ANTXR2: variants seen among roughly 807,000 people sequenced by gnomAD.
The protein encoded by ANTXR2 is ANTXR cell adhesion molecule 2, also known as anthrax toxin receptor 2.
Under a neutral mutation model 73.7 loss-of-function variants are expected in ANTXR2, and 44 were observed. That is an observed-to-expected ratio of 0.60 (90% confidence interval 0.47 to 0.77). ANTXR2 has a LOEUF of 0.77. ANTXR2 is among the 30% of genes least tolerant of loss of function. The probability of loss-of-function intolerance (pLI) is 0.00; values close to 1 mark genes in which losing one functional copy is unlikely to be tolerated. For missense variants in ANTXR2, 604 were observed against 592.5 expected (o/e 1.02, Z -0.20); for synonymous variants, 217 against 205.9 (o/e 1.05, Z -0.46).
chr4:79,901,864 T>G lies in ANTXR2; in HGVS notation c.*5565A>C, dbSNP rs957548180. On this transcript the variant is annotated 3_prime_UTR_variant, in exon 17 of 17. Transcript: ENST00000403729. ...TTTGTGCTCCTTGAGAATCTAATGC[T>G]GCTGCTGATCTCACAGGAGACACAG... is the stretch of plus-strand genomic sequence containing the variant. 5 of 152,218 alleles carry G rather than the reference T, an allele frequency of 3.3e-5. No homozygotes were observed. The highest frequency in any genetic ancestry group is 1.2e-4 in the African/African-American group (5 of 41,528). 9.4% of individuals were successfully genotyped at this position (152,218 alleles called of 1,614,324 possible).
At chr4:80,013,030 C>T (rs1234609902) in intron 11 of ANTXR2, among the ~76,000 whole-genome samples, 1 of 152,152 alleles carries the variant, frequency 6.6e-6, no homozygotes, top group Admixed American at 6.5e-5. Flanking sequence ...AATACTTGCT[C>T]AGCAAACAGG....
chr4:79,988,027 A>G (rs1730270617), intron 12 of ANTXR2, among the ~76,000 whole-genome samples: 1 of 151,928 alleles, frequency 6.6e-6, no homozygotes, highest in African/African-American at 2.4e-5. Flanking sequence ...TACATATCAC[A>G]TTGGTACTAT....
At chr4:80,026,513 G>A (rs531577149) in intron 10 of ANTXR2, among the ~76,000 whole-genome samples, 4 of 151,344 alleles carry the variant, frequency 2.6e-5, no homozygotes, top group Non-Finnish European at 5.9e-5. Flanking sequence ...TATATAAGAG[G>A]ATTTAAGTAC....
chr4:80,006,721 T>G (rs1167465046), intron 12 of ANTXR2, among the ~76,000 whole-genome samples: 3 of 152,112 alleles, frequency 2.0e-5, no homozygotes, highest in Non-Finnish European at 2.9e-5. Flanking sequence ...GCTCCTCTCC[T>G]TAATATCCAA....
chr4:79,967,348 G>A (rs1376765993), intron 16 of ANTXR2, among the ~76,000 whole-genome samples: 1 of 37,338 alleles, frequency 2.7e-5, no homozygotes, highest in African/African-American at 8.8e-5. Flanking sequence ...GGGGAGGGGC[G>A]CCCGCCATTG....
chr4:80,049,556 C>G (rs923074115), intron 7 of ANTXR2, among the ~76,000 whole-genome samples: 2 of 151,680 alleles, frequency 1.3e-5, no homozygotes, highest in Non-Finnish European at 3.0e-5. Flanking sequence ...TTCCACCTGG[C>G]CTCTAACTCC....
At chr4:80,011,005 G>A (rs1176341377) in intron 11 of ANTXR2, among the ~76,000 whole-genome samples, 1 of 151,960 alleles carries the variant, frequency 6.6e-6, no homozygotes, top group Admixed American at 6.6e-5. Context: ...AAATCAGCCA[G>A]GCATGGTGGT....
chr4:79,979,015 T>A (rs1729768554), intron 14 of ANTXR2, among the ~76,000 whole-genome samples: 1 of 152,204 alleles, frequency 6.6e-6, no homozygotes, highest in Admixed American at 6.5e-5. Context: ...AGGTCAAATC[T>A]GAAAAGACTG....
At chr4:79,995,933 C>T (rs946756655) in intron 12 of ANTXR2, among the ~76,000 whole-genome samples, 1 of 152,014 alleles carries the variant, frequency 6.6e-6, no homozygotes, top group Non-Finnish European at 1.5e-5. Flanking sequence ...AGAGCTAAGG[C>T]TCATCTGTGT....
intron 7 of ANTXR2, among the ~76,000 whole-genome samples, chr4:80,051,576 A>G (rs1160945371): frequency 1.3e-5 from 2 of 151,734 alleles, no homozygotes; most frequent in African/African-American, 4.8e-5. Context: ...CAAAACTGTT[A>G]CATACCATGT....
intron 7 of ANTXR2, among the ~76,000 whole-genome samples, chr4:80,039,975 C>T (rs983230898): frequency 7.2e-5 from 11 of 151,892 alleles, no homozygotes; most frequent in African/African-American, 1.5e-4. Flanking sequence ...GCAACATGAA[C>T]GCAGCTGGAG....
intron 11 of ANTXR2, among the ~76,000 whole-genome samples, chr4:80,009,084 A>C (rs1432709959): frequency 2.0e-5 from 3 of 152,230 alleles, no homozygotes; most frequent in African/African-American, 7.2e-5. Flanking sequence ...ATGACAAACC[A>C]ACAATGGTTC....
intron 16 of ANTXR2, among the ~76,000 whole-genome samples, chr4:79,966,616 A>C (rs1309376325): frequency 6.6e-6 from 1 of 152,250 alleles, no homozygotes. Context: ...GAAATTTAAG[A>C]AATATTATGT....
intron 7 of ANTXR2, among the ~76,000 whole-genome samples, chr4:80,041,587 C>T (rs551147710): frequency 6.6e-6 from 1 of 152,024 alleles, no homozygotes; most frequent in Non-Finnish European, 1.5e-5. Flanking sequence ...GCCCGGCACA[C>T]ATTAGCTATT....
intron 12 of ANTXR2, among the ~76,000 whole-genome samples, chr4:79,992,135 A>T (rs1299578379): frequency 6.6e-6 from 1 of 152,038 alleles, no homozygotes; most frequent in East Asian, 1.9e-4. Context: ...AAAAATTGAC[A>T]ATAAGTTGAG....
intron 16 of ANTXR2, among the ~76,000 whole-genome samples, chr4:79,927,861 CAA>C (rs1371741163): frequency 6.6e-6 from 1 of 152,072 alleles, no homozygotes; most frequent in Non-Finnish European, 1.5e-5. Flanking sequence ...AAGAAAATAA[CAA>C]GTGTTGGCAG....
At chr4:80,024,015 C>A (rs1489684846) in intron 10 of ANTXR2, among the ~76,000 whole-genome samples, 2 of 152,040 alleles carry the variant, frequency 1.3e-5, no homozygotes, top group Admixed American at 6.6e-5. Flanking sequence ...AGTAGAAAGA[C>A]CAGTTAAGAA....
At chr4:79,966,782 T>TA (rs1023488136) in intron 16 of ANTXR2, among the ~76,000 whole-genome samples, 37 of 152,294 alleles carry the variant, frequency 2.4e-4, no homozygotes, top group African/African-American at 7.9e-4. Flanking sequence ...TTTAGAGACT[T>TA]AAAAAAATCA....
intron 3 of ANTXR2, among the ~76,000 whole-genome samples, chr4:80,058,099 G>A (rs1190812728): frequency 1.3e-5 from 2 of 152,034 alleles, no homozygotes; most frequent in African/African-American, 4.8e-5. Context: ...GCCAACAAGT[G>A]AAATGCAAGT....
Sources: allele counts gnomAD v4.1 joint callset (sites outside exome capture counted in the v4.1 genomes callset), GRCh38; gene constraint gnomAD v4.1.1; transcripts MANE v1.5; gene names NCBI Gene and HGNC (gene_info 2026-07-23, HGNC 2026-07-21).